INSYN1: variants seen among roughly 807,000 people sequenced by gnomAD.
INSYN1 encodes the protein inhibitory synaptic factor 1, also known as UPF0583 protein C15orf59.
In INSYN1, 7 loss-of-function variants were observed where a neutral mutation model predicts 17.1. That is an observed-to-expected ratio of 0.41 (90% CI 0.23 to 0.77). The LOEUF (loss-of-function observed/expected upper bound fraction) is 0.77. INSYN1 is among the 30% of genes least tolerant of loss of function. The pLI, the probability that INSYN1 is intolerant of heterozygous loss-of-function variation, is 0.32. For missense variants in INSYN1, 339 were observed against 400.6 expected (o/e 0.85, Z 1.31); for synonymous variants, 174 against 166.3 (o/e 1.05, Z -0.36).
Position 73,740,269 on chromosome 15 carries a change from T to C in INSYN1, c.530A>G (p.Gln177Arg). The change falls in exon 3 of 3, where the codon CAG becomes CGG. Residue 177 changes from glutamine (Q) to arginine (R), a missense_variant. Coordinates refer to ENST00000569673, the MANE Select transcript of INSYN1 (RefSeq NM_001039614.3). ...AGPTVKSQLP[Q>R]RTPGTRERVR... is the part of the protein sequence containing the mutation. ...CCTCTCCCGTGTCCCTGGGGTCCGCTGGGGCAGCTGGCTCTTCACCGTGGG... is the reference window on the plus strand; with the variant it reads ...CCTCTCCCGTGTCCCTGGGGTCCGCCGGGGCAGCTGGCTCTTCACCGTGGG... 1.9e-6 allele frequency: 3 copies of C among 1,613,816 alleles called. No homozygotes were observed. Among genetic ancestry groups the C allele is most frequent in the Non-Finnish European group, 1.7e-6 (2 of 1,180,002 alleles).
intron 2 of INSYN1, among the ~76,000 whole-genome samples, chr15:73,744,233 G>T (rs1354908137): frequency 6.6e-6 from 1 of 152,184 alleles, no homozygotes; most frequent in Admixed American, 6.5e-5. Flanking sequence ...TCTGATGTGG[G>T]TCCAGTGACT....
Position 73,744,994 on chromosome 15 carries a change from A to G in INSYN1, c.157-4352T>C, listed in dbSNP as rs73446057. On this transcript the variant is annotated intron_variant, in intron 2 of 2. Transcript: ENST00000569673. ...AGAGGGAGCCCTAGAGAGCAAGGGC[A>G]GGACTGAGGGCTGTGGCAGAACCTG... 9.0e-3 allele frequency among the ~76,000 whole-genome samples: 1,281 copies of G among 141,992 alleles called. 17 individuals are homozygous for G. Among genetic ancestry groups the G allele is most frequent in the African/African-American group, 0.03 (1,232 of 40,980 alleles). 93.2% of individuals were successfully genotyped at this position (141,992 alleles called of 152,430 possible). A position where few individuals can be genotyped will look rare whatever the true frequency, so the allele number is the denominator to read the frequency against.
intron 2 of INSYN1, 95 bp downstream of exon 2, chr15:73,750,879 CT>C (rs1901958650): frequency 7.4e-7 from 1 of 1,354,402 alleles, no homozygotes; most frequent in Non-Finnish European, 1.0e-6. Flanking sequence ...GTGCACGCAG[CT>C]TTGCACACTC....
At chr15:73,744,561 G>A (rs952755875) in intron 2 of INSYN1, among the ~76,000 whole-genome samples, 5 of 152,154 alleles carry the variant, frequency 3.3e-5, no homozygotes, top group Non-Finnish European at 7.4e-5. Flanking sequence ...CTGGTGCCTC[G>A]TTTCCTGGGC....
chr15:73,737,822 G>A lies in INSYN1; in HGVS notation c.*2095C>T, dbSNP rs889969731. The A allele has an allele frequency of 2.6e-5, 4 of 152,218 alleles. No individual in the cohort carries two copies. The highest frequency in any genetic ancestry group is 7.2e-5 in the African/African-American group (3 of 41,442). 9.4% of individuals were successfully genotyped at this position (152,218 alleles called of 1,614,324 possible). On this transcript the variant is annotated 3_prime_UTR_variant, in exon 3 of 3. Coordinates refer to ENST00000569673, the MANE Select transcript of INSYN1 (RefSeq NM_001039614.3). ...CTGCTCAGGCCCCCTCCGGACAGACGCTGGGGGGCTGTAAACCTGCCTTAA... is the reference window on the plus strand; with the variant it reads ...CTGCTCAGGCCCCCTCCGGACAGACACTGGGGGGCTGTAAACCTGCCTTAA...
Position 73,751,061 on chromosome 15 carries a change from G to T in INSYN1, c.70C>A (p.Arg24=). 6.2e-7 allele frequency: 1 copy of T among 1,613,964 alleles called. No individual in the cohort carries two copies. Among genetic ancestry groups the T allele is most frequent in the Non-Finnish European group, 8.5e-7 (1 of 1,180,004 alleles). ...ACCATCTTCATGCGCTGTCGAATCCGCTCCCGCTCACCACCACTGCTGGGG... is the reference window on the plus strand; with the variant it reads ...ACCATCTTCATGCGCTGTCGAATCCTCTCCCGCTCACCACCACTGCTGGGG... ...DDPSSGGERE[R]IRQRMKMVIG... The change falls in exon 2 of 3, where the codon CGG becomes AGG. Residue 24 remains arginine (R), a synonymous_variant. Transcript: ENST00000569673.
rs1193616988 is a variant in INSYN1, at chr15:73,751,047, G to A, written c.84C>T (p.Arg28=). The change falls in exon 2 of 3, where the codon CGC becomes CGT. Residue 28 remains arginine, a synonymous_variant. Coordinates refer to ENST00000569673, the MANE Select transcript of INSYN1 (RefSeq NM_001039614.3). ...CAAGCTGCCCGATGACCATCTTCAT[G>A]CGCTGTCGAATCCGCTCCCGCTCAC... ...SGGERERIRQ[R]MKMVIGQLEG... is the part of the protein sequence containing the mutation. 1 of 1,614,072 alleles carries A rather than the reference G, an allele frequency of 6.2e-7. No homozygotes were observed. The highest frequency in any genetic ancestry group is 8.5e-7 in the Non-Finnish European group (1 of 1,180,024).
At chr15:73,741,488 A>G (rs560687013) in intron 2 of INSYN1, among the ~76,000 whole-genome samples, 9 of 152,230 alleles carry the variant, frequency 5.9e-5, no homozygotes, top group Non-Finnish European at 1.2e-4. Context: ...CTTGGCTTCT[A>G]TACAGAAGGC....
chr15:73,739,956 G>T lies in INSYN1; in HGVS notation c.843C>A (p.Pro281=). The change falls in exon 3 of 3, where the codon CCC becomes CCA. Residue 281 remains proline, a synonymous_variant. Coordinates refer to ENST00000569673, the MANE Select transcript of INSYN1 (RefSeq NM_001039614.3). The stretch of plus-strand genomic sequence containing the variant: ...TGGCTTTCTGTCTAGTGGCTGTGTA[G>T]GGCAGAACCGTCTGCGTGCTCTTGT... ...VSDKSTQTVL[P]YTATRQKARG... The T allele has an allele frequency of 6.2e-7, 1 of 1,604,240 alleles. No homozygotes were observed.
rs958510497 is a variant in INSYN1 at position 73,739,663 on chromosome 15, A to G, written c.*254T>C. ...CCATCAGTTTTACATACTTTCAGAT[A>G]CCCCCTTCAGGAGCCCCGCAATGAG... On this transcript the variant is annotated 3_prime_UTR_variant, in exon 3 of 3. Coordinates refer to ENST00000569673, the MANE Select transcript of INSYN1 (RefSeq NM_001039614.3). 1.9e-5 allele frequency: 3 copies of G among 154,556 alleles called. No individual in the cohort carries two copies. The highest frequency in any genetic ancestry group is 4.3e-5 in the Non-Finnish European group (3 of 70,318). The allele number at this position is 154,556 out of a possible 1,614,324, so 9.6% of individuals were successfully genotyped here.
intron 2 of INSYN1, among the ~76,000 whole-genome samples, chr15:73,750,586 T>C (rs1000793314): frequency 2.6e-5 from 4 of 152,184 alleles, no homozygotes; most frequent in Non-Finnish European, 4.4e-5. Flanking sequence ...CCAGGGTCCC[T>C]TGTGACCAGA....
Position 73,738,053 on chromosome 15 carries a change from A to G in INSYN1, c.*1864T>C, listed in dbSNP as rs12898770. The G allele has an allele frequency of 0.13, 19,532 of 152,336 alleles. 1,634 individuals carry two copies. Among genetic ancestry groups the G allele is most frequent in the East Asian group, 0.27 (1,416 of 5,174 alleles). The allele number at this position is 152,336 out of a possible 1,614,324, so 9.4% of individuals were successfully genotyped here. ...GGTGTCTTCTTTGGCCATCCCACTC[A>G]AAGCCCCTGTGCCCTGGAAATCACT... On this transcript the variant is annotated 3_prime_UTR_variant, in exon 3 of 3. Transcript: ENST00000569673.
Position 73,738,242 on chromosome 15 carries a change from C to G in INSYN1, c.*1675G>C, listed in dbSNP as rs1236925653. On this transcript the variant is annotated 3_prime_UTR_variant, in exon 3 of 3. Transcript: ENST00000569673. ...GAGGAGGTAGATAGGCTCAGAGAGGCAAACGGACTTGCCAAGGTCACACAG... is the reference window on the plus strand; with the variant it reads ...GAGGAGGTAGATAGGCTCAGAGAGGGAAACGGACTTGCCAAGGTCACACAG... The G allele has an allele frequency of 6.6e-6, 1 of 152,304 alleles. No individual in the cohort carries two copies. Among genetic ancestry groups the G allele is most frequent in the Non-Finnish European group, 1.5e-5 (1 of 68,096 alleles). The allele number at this position is 152,304 out of a possible 1,614,324, so 9.4% of individuals were successfully genotyped here. A position where few individuals can be genotyped will look rare whatever the true frequency, so the allele number is the denominator to read the frequency against.
intron 2 of INSYN1, 123 bp downstream of exon 2, chr15:73,750,852 C>T: frequency 3.7e-6 from 4 of 1,069,270 alleles, no homozygotes; most frequent in Non-Finnish European, 5.6e-6. Context: ...AAGAAGGTCC[C>T]CAGTAGAGTG....
intron 2 of INSYN1, among the ~76,000 whole-genome samples, chr15:73,748,290 A>G (rs541017401): frequency 4.6e-5 from 7 of 152,260 alleles, no homozygotes; most frequent in Non-Finnish European, 1.0e-4. Flanking sequence ...GGGCTGGGGA[A>G]GGGGAGCAGC....
intron 2 of INSYN1, among the ~76,000 whole-genome samples, chr15:73,743,261 G>C (rs954153306): frequency 6.6e-6 from 1 of 152,198 alleles, no homozygotes; most frequent in Non-Finnish European, 1.5e-5. Context: ...AAGATCCAGG[G>C]TACACATGGC....
chr15:73,751,892 T>C (rs1278208898), intron 1 of INSYN1, among the ~76,000 whole-genome samples, 195 bp from the exon 2 acceptor site: 1 of 151,940 alleles, frequency 6.6e-6, no homozygotes, highest in Non-Finnish European at 1.5e-5. Context: ...GCCCCTGCTT[T>C]AGAAGCAGAA....
In INSYN1 at chr15:73,739,667, C is replaced by G. The variant is rs116781511; in HGVS notation, c.*250G>C. ...CAGTTTTACATACTTTCAGATACCC[C>G]CTTCAGGAGCCCCGCAATGAGAACG... On this transcript the variant is annotated 3_prime_UTR_variant, in exon 3 of 3. Transcript: ENST00000569673. The G allele has an allele frequency of 8.2e-3, 1,275 of 155,604 alleles. 21 individuals are homozygous for G. The highest frequency in any genetic ancestry group is 0.029 in the African/African-American group (1,222 of 41,596). 9.6% of individuals were successfully genotyped at this position (155,604 alleles called of 1,614,324 possible).
At position 73,752,906 on chromosome 15, in the gene INSYN1, C is replaced by T. The variant is rs1485174012; in HGVS notation, c.-1364G>A. 7.1e-6 allele frequency among the ~76,000 whole-genome samples: 1 copy of T among 141,226 alleles called. No individual in the cohort carries two copies. The highest frequency in any genetic ancestry group is 1.5e-5 in the Non-Finnish European group (1 of 64,954). 92.6% of individuals were successfully genotyped at this position (141,226 alleles called of 152,430 possible). A position where few individuals can be genotyped will look rare whatever the true frequency, so the allele number is the denominator to read the frequency against. ...GCCCGGGCGCAGGCGGGAGCAGCGC[C>T]GGGCGGAGGAGAGGAGAGGAGGCGA... On this transcript the variant is annotated 5_prime_UTR_variant, in exon 1 of 3. Coordinates refer to ENST00000569673, the MANE Select transcript of INSYN1 (RefSeq NM_001039614.3). The surrounding 1 kb of genome is among the most constrained non-coding windows in gnomAD (Gnocchi z 5.2).
Sources: allele counts gnomAD v4.1 joint callset (sites outside exome capture counted in the v4.1 genomes callset), GRCh38; gene constraint gnomAD v4.1.1; non-coding constraint Gnocchi (gnomAD v3.1); transcripts MANE v1.5; gene names NCBI Gene and HGNC (gene_info 2026-07-23, HGNC 2026-07-21).